METTL14: variants seen among roughly 807,000 people sequenced by gnomAD.
The protein encoded by METTL14 is N(6)-adenosine-methyltransferase non-catalytic subunit METTL14.
In METTL14, 32 loss-of-function variants were observed where a neutral mutation model predicts 62.4. The ratio of observed to expected loss-of-function variants is 0.51; its 90% confidence interval spans 0.39 to 0.69. METTL14 has a LOEUF of 0.69. METTL14 is among the 30% of genes least tolerant of loss of function. The probability of loss-of-function intolerance (pLI) is 0.00; values close to 1 mark genes in which losing one functional copy is unlikely to be tolerated. For synonymous variants in METTL14, 150 were observed against 180.0 expected, an observed-to-expected ratio of 0.83 and a Z score of 1.34; for missense variants, 340 against 551.9, an observed-to-expected ratio of 0.62 and a Z score of 3.85.
chr4:118,700,817 A>G (rs1724566494), intron 8 of METTL14, among the ~76,000 whole-genome samples, 175 bp downstream of exon 8: 1 of 152,218 alleles, frequency 6.6e-6, no homozygotes, highest in South Asian at 2.1e-4. Context: ...CAATACTTGT[A>G]AGTTAGTTTA....
chr4:118,698,562 T>C (rs142927114), intron 7 of METTL14, among the ~76,000 whole-genome samples: 1 of 151,128 alleles, frequency 6.6e-6, no homozygotes, highest in African/African-American at 2.4e-5. Context: ...AGGGTAATAG[T>C]AGGAATGGAA....
Position 118,692,067 on chromosome 4 carries a change from A to G in METTL14, c.411A>G (p.Val137=). Residue 137 remains valine (V), a splice_region_variant and synonymous_variant, in exon 5 of 11, where the codon GTA becomes GTG. Coordinates refer to ENST00000388822, the MANE Select transcript of METTL14 (RefSeq NM_020961.4). ...GHRPQNFIRD[V]GLADRFEEYP... ...GACCTCAGAATTTCATCAGGGATGT[A>G]GGTATGTCAGGTTTGTTTGGACTAC... 6.3e-7 allele frequency: 1 copy of G among 1,592,656 alleles called. No homozygotes were observed. The highest frequency in any genetic ancestry group is 8.6e-7 in the Non-Finnish European group (1 of 1,165,114).
At chr4:118,688,154 C>CA in intron 2 of METTL14, 143 bp downstream of exon 2, 1 of 652,526 alleles carries the variant, frequency 1.5e-6, no homozygotes, top group Non-Finnish European at 2.6e-6. Flanking sequence ...CCTGCCTTGG[C>CA]CTCCCAAAGT....
chr4:118,705,640 T>A lies in METTL14; in HGVS notation c.885T>A (p.Thr295=). The change falls in exon 10 of 11, where the codon ACT becomes ACA. Residue 295 remains threonine, a synonymous_variant. Transcript: ENST00000388822. ...ACTGCCTCATGGGGATCAAAGGAAC[T>A]GTGAAGCGTAGCACAGACGGGGACT... ...KEHCLMGIKG[T]VKRSTDGDFI... 6.2e-7 allele frequency: 1 copy of A among 1,614,196 alleles called. No homozygotes were observed. Among genetic ancestry groups the A allele is most frequent in the Non-Finnish European group, 8.5e-7 (1 of 1,180,018 alleles).
At chr4:118,686,527 C>T in intron 1 of METTL14, 1 of 439,780 alleles carries the variant, frequency 2.3e-6, no homozygotes, top group Non-Finnish European at 4.6e-6. Context: ...TGAAACCTAT[C>T]CTCTTTATGG....
In METTL14 at chr4:118,688,212, T is replaced by TG. The variant is rs550290471; in HGVS notation, c.155+202dup. ...ACTGTGCCGAGGCAGGTGGATCACT[T>TG]GAGCCCAGGAAGTCGGGAGTTCGAG... On this transcript the variant is annotated intron_variant, in intron 2 of 10. Transcript: ENST00000388822. Among the ~76,000 whole-genome samples the TG allele has an allele frequency of 3.8e-3, 576 of 152,118 alleles. 4 individuals are homozygous for TG. The highest frequency in any genetic ancestry group is 0.013 in the African/African-American group (548 of 41,514).
intron 9 of METTL14, 37 bp from the exon 10 acceptor site, chr4:118,705,574 A>T: frequency 6.5e-7 from 1 of 1,529,992 alleles, no homozygotes. Context: ...ATGACTGTTG[A>T]TGAAAACAGA....
At chr4:118,695,270 C>T (rs897865819) in intron 6 of METTL14, among the ~76,000 whole-genome samples, 9 of 152,024 alleles carry the variant, frequency 5.9e-5, no homozygotes, top group Admixed American at 1.3e-4. Flanking sequence ...TCATCCAAGT[C>T]GGGCATGGTG....
intron 1 of METTL14, 56 bp downstream of exon 1, chr4:118,685,656 C>T: frequency 2.0e-6 from 3 of 1,468,434 alleles, no homozygotes; most frequent in Non-Finnish European, 2.8e-6. Flanking sequence ...TGCGCGGCCG[C>T]CTCCTCCCTC....
rs556802368 is a variant in METTL14, at chr4:118,706,309, G to C, written c.1066+488G>C. ...TATCTTTTTACTGTCTCCGTAATTT[G>C]CCTTTGTCAGAATGTTACATAGTTG... is the stretch of plus-strand genomic sequence containing the variant. On this transcript the variant is annotated intron_variant, in intron 10 of 10. Coordinates refer to ENST00000388822, the MANE Select transcript of METTL14 (RefSeq NM_020961.4). Among the ~76,000 whole-genome samples the C allele has an allele frequency of 2.0e-5, 3 of 152,240 alleles. No homozygotes were observed. In the South Asian group the frequency reaches 6.2e-4, roughly 32 times the overall value.
chr4:118,691,116 T>TA (rs762548193), intron 3 of METTL14, among the ~76,000 whole-genome samples: 25 of 152,158 alleles, frequency 1.6e-4, no homozygotes, highest in Non-Finnish European at 2.9e-4. Context: ...CTTTTTTTTT[T>TA]ATTAATTAAA....
chr4:118,694,045 A>G (rs1724328546), intron 5 of METTL14, among the ~76,000 whole-genome samples: 1 of 148,518 alleles, frequency 6.7e-6, no homozygotes, highest in Non-Finnish European at 1.5e-5. Context: ...AATCTTAACA[A>G]TCAGGTTCTT....
chr4:118,705,029 G>A (rs984374585), intron 9 of METTL14, among the ~76,000 whole-genome samples: 1 of 152,122 alleles, frequency 6.6e-6, no homozygotes, highest in Non-Finnish European at 1.5e-5. Flanking sequence ...AGAATTGCTT[G>A]GTATGGGAAA....
At chr4:118,701,340 C>T (rs1724584000) in intron 8 of METTL14, among the ~76,000 whole-genome samples, 2 of 151,648 alleles carry the variant, frequency 1.3e-5, no homozygotes, top group Non-Finnish European at 2.9e-5. Context: ...GGCACACCAC[C>T]ACCCCTGGCT....
At chr4:118,706,105 T>G (rs1483511731) in intron 10 of METTL14, among the ~76,000 whole-genome samples, 1 of 152,176 alleles carries the variant, frequency 6.6e-6, no homozygotes, top group Non-Finnish European at 1.5e-5. Context: ...CACATCATAA[T>G]CACTCAAAGT....
chr4:118,705,872 C>G, intron 10 of METTL14, 51 bp downstream of exon 10: 2 of 1,351,144 alleles, frequency 1.5e-6, no homozygotes, highest in South Asian at 2.4e-5. Context: ...TTATGCATGT[C>G]AAGAAATAGG....
intron 8 of METTL14, among the ~76,000 whole-genome samples, chr4:118,703,161 A>G (rs1724654347): frequency 6.6e-6 from 1 of 151,976 alleles, no homozygotes; most frequent in South Asian, 2.1e-4. Flanking sequence ...TCATCATACC[A>G]GCAATACTGT....
At chr4:118,700,740 C>T (rs1477214694) in intron 8 of METTL14, 98 bp downstream of exon 8, 6 of 765,156 alleles carry the variant, frequency 7.8e-6, no homozygotes, top group African/African-American at 1.8e-5. Flanking sequence ...TTATTTTGTC[C>T]TTTGTTTCTT....
chr4:118,703,590 G>A (rs298996), intron 8 of METTL14, among the ~76,000 whole-genome samples: 99,719 of 152,076 alleles, frequency 0.66, 33,650 homozygotes, highest in Non-Finnish European at 0.73. Flanking sequence ...GTTTTGGATT[G>A]TTTTGTGATT....
Sources: allele counts gnomAD v4.1 joint callset (sites outside exome capture counted in the v4.1 genomes callset), GRCh38; gene constraint gnomAD v4.1.1; transcripts MANE v1.5; gene names NCBI Gene and HGNC (gene_info 2026-07-23, HGNC 2026-07-21).